Variants in DAB1 observed in about 807,000 individuals in gnomAD.
DAB1 encodes disabled homolog 1.
DAB1 carries 15 observed loss-of-function variants against 64.6 expected under a neutral mutation model. That is an observed-to-expected ratio of 0.23 (90% CI 0.16 to 0.36). The LOEUF (loss-of-function observed/expected upper bound fraction) is 0.36, where lower values mean the gene tolerates loss of function less well. Among genes scored for constraint, DAB1 ranks in the 10% least tolerant of loss-of-function variants. The probability of loss-of-function intolerance (pLI) is 1.00; values close to 1 mark genes in which losing one functional copy is unlikely to be tolerated. For synonymous variants in DAB1, 235 were observed against 251.9 expected (o/e 0.93, Z 0.64); for missense variants, 596 against 706.7 (o/e 0.84, Z 1.78).
At chr1:57,437,703 C>T (rs1331157793) in intron 7 of DAB1, among the ~76,000 whole-genome samples, 2 of 152,134 alleles carry the variant, frequency 1.3e-5, no homozygotes, top group Non-Finnish European at 2.9e-5. Context: ...CACAAGTGCA[C>T]TGTAAAAATA....
chr1:58,317,568 C>G (rs1048557668), intron 4 of DAB1, among the ~76,000 whole-genome samples: 1 of 152,222 alleles, frequency 6.6e-6, no homozygotes, highest in Non-Finnish European at 1.5e-5. Context: ...TTGGTGCCCC[C>G]CTGGCTTGAC....
rs959053115 is a variant in DAB1 at position 57,151,320 on chromosome 1, C to T, written c.68-5891G>A. Among the ~76,000 whole-genome samples the T allele has an allele frequency of 1.8e-4, 27 of 152,188 alleles. 1 individual carries two copies. The highest frequency in any genetic ancestry group is 1.1e-3 in the Admixed American group (17 of 15,294). The stretch of plus-strand genomic sequence containing the variant: ...ATATTTATTGAGTGTCTACTATATA[C>T]GTGTTCTAAGGTCCTCCAGATGCTG... On this transcript the variant is annotated intron_variant, in intron 2 of 14. Transcript: ENST00000371236.
chr1:57,115,011 T>C lies in DAB1; in HGVS notation c.306+21532A>G, dbSNP rs149266379. Among the ~76,000 whole-genome samples, 1,083 of 152,264 alleles carry C rather than the reference T, an allele frequency of 7.1e-3. 10 individuals are homozygous for C. The highest frequency in any genetic ancestry group is 0.012 in the Non-Finnish European group (840 of 68,014). On this transcript the variant is annotated intron_variant, in intron 4 of 14. Transcript: ENST00000371236. ...TTAAATTGAATAAATGCATGTAAAG[T>C]GTGCAGTGCATGGCCAACACCATCC... is the stretch of plus-strand genomic sequence containing the variant.
At chr1:58,039,396 T>C (rs1451794324) in intron 5 of DAB1, among the ~76,000 whole-genome samples, 1 of 152,232 alleles carries the variant, frequency 6.6e-6, no homozygotes, top group African/African-American at 2.4e-5. Flanking sequence ...ATCAGGGTCC[T>C]GCCTTCCCTC....
chr1:58,480,997 TTAATGG>T (rs776579533), intron 3 of DAB1: 2 of 871,272 alleles, frequency 2.3e-6, no homozygotes, highest in Non-Finnish European at 4.0e-6. Context: ...ACTATGTATG[TTAATGG>T]TATTTGCTCC....
intron 5 of DAB1, among the ~76,000 whole-genome samples, chr1:57,992,505 C>T (rs1364477742): frequency 6.6e-6 from 1 of 152,048 alleles, no homozygotes; most frequent in African/African-American, 2.4e-5. Flanking sequence ...AATTTTGCTC[C>T]CTGCACTTTC....
At chr1:57,949,625 T>A (rs1645241503) in intron 5 of DAB1, among the ~76,000 whole-genome samples, 1 of 152,202 alleles carries the variant, frequency 6.6e-6, no homozygotes, top group Admixed American at 6.6e-5. Context: ...TTCTTGTTTT[T>A]ATACTTTATG....
chr1:58,385,004 T>C (rs993772929), intron 3 of DAB1, among the ~76,000 whole-genome samples: 2 of 152,162 alleles, frequency 1.3e-5, no homozygotes, highest in Admixed American at 6.5e-5. Flanking sequence ...AGGAACAATA[T>C]TTTGCATCCT....
intron 4 of DAB1, among the ~76,000 whole-genome samples, chr1:58,208,779 G>C (rs1466296796): frequency 6.6e-6 from 1 of 152,164 alleles, no homozygotes; most frequent in Non-Finnish European, 1.5e-5. Flanking sequence ...CTCATATAAT[G>C]ACTTCTTTTC....
rs1002228258 is a variant in DAB1 at position 56,995,417 on chromosome 1, G to A, written c.*2727C>T. 1 of 152,176 alleles carries A rather than the reference G, an allele frequency of 6.6e-6. No individual in the cohort carries two copies. The highest frequency in any genetic ancestry group is 2.4e-5 in the African/African-American group (1 of 41,454). The allele number at this position is 152,176 out of a possible 1,614,324, so 9.4% of individuals were successfully genotyped here. A position where few individuals can be genotyped will look rare whatever the true frequency, so the allele number is the denominator to read the frequency against. ...GTGCTTGGAAAAAAATCAGAATTCT[G>A]CCAATGAGAATATGGATGGCAGTTG... On this transcript the variant is annotated 3_prime_UTR_variant, in exon 15 of 15. Coordinates refer to ENST00000371236, the MANE Select transcript of DAB1 (RefSeq NM_001365792.1).
intron 7 of DAB1, among the ~76,000 whole-genome samples, chr1:57,533,538 GGTATATATATATATATATATATATATAT>G (rs1258578483): frequency 4.8e-5 from 3 of 63,118 alleles, no homozygotes; most frequent in Non-Finnish European, 9.0e-5. Flanking sequence ...ATTCATAACA[GGTATATATATATATATATATATATATAT>G]GTATATATGT....
chr1:57,539,383 T>A (rs902025377), intron 7 of DAB1, among the ~76,000 whole-genome samples: 13 of 152,254 alleles, frequency 8.5e-5, no homozygotes, highest in African/African-American at 3.1e-4. Flanking sequence ...ATAAACTTGC[T>A]GATTCAAGCA....
intron 7 of DAB1, among the ~76,000 whole-genome samples, chr1:57,513,248 C>T (rs182427801): frequency 6.6e-6 from 1 of 152,182 alleles, no homozygotes; most frequent in East Asian, 1.9e-4. Context: ...CTGCCCTAGA[C>T]CTTCACACTT....
chr1:58,416,794 C>A (rs1644725532), intron 3 of DAB1, among the ~76,000 whole-genome samples: 1 of 152,032 alleles, frequency 6.6e-6, no homozygotes. Flanking sequence ...GCTTATAAGG[C>A]CACTAATCCT....
chr1:58,323,266 T>A lies in DAB1; in HGVS notation n.309+20086A>T, dbSNP rs189312437. Among the ~76,000 whole-genome samples the A allele has an allele frequency of 2.8e-3, 375 of 132,878 alleles. 1 individual carries two copies. The highest frequency in any genetic ancestry group is 9.6e-3 in the African/African-American group (343 of 35,612). The allele number at this position is 132,878 out of a possible 152,430, so 87.2% of individuals were successfully genotyped here. On this transcript the variant is annotated intron_variant and non_coding_transcript_variant, in intron 4 of 20. Coordinates refer to the DAB1 transcript ENST00000485760. Reference sequence around the variant, plus strand: ...ATAATAATAATAATAATAATAATAATAAAATATTCATCACTCTCCTTGCTC... The same window carrying A: ...ATAATAATAATAATAATAATAATAAAAAAATATTCATCACTCTCCTTGCTC...
intron 3 of DAB1, among the ~76,000 whole-genome samples, chr1:58,409,580 T>C (rs1644647725): frequency 6.6e-6 from 1 of 152,246 alleles, no homozygotes; most frequent in African/African-American, 2.4e-5. Context: ...TAGTGATTTC[T>C]GCGAATAGGG....
At chr1:57,423,691 C>A (rs1685109014) in intron 1 of DAB1, among the ~76,000 whole-genome samples, 1 of 151,952 alleles carries the variant, frequency 6.6e-6, no homozygotes, top group Non-Finnish European at 1.5e-5. Flanking sequence ...GGATGGGGGG[C>A]AGGACAGAGA....
At chr1:57,452,063 A>T (rs1686391890) in intron 7 of DAB1, among the ~76,000 whole-genome samples, 1 of 151,488 alleles carries the variant, frequency 6.6e-6, no homozygotes, top group Non-Finnish European at 1.5e-5. Flanking sequence ...CCCAAGAGAG[A>T]CTGACCAGCT....
At chr1:58,265,032 G>C (rs1165236812) in intron 4 of DAB1, among the ~76,000 whole-genome samples, 1 of 152,202 alleles carries the variant, frequency 6.6e-6, no homozygotes, top group African/African-American at 2.4e-5. Flanking sequence ...TATCACAATG[G>C]AGGCAAGAAG....
Sources: allele counts gnomAD v4.1 joint callset (sites outside exome capture counted in the v4.1 genomes callset), GRCh38; gene constraint gnomAD v4.1.1; transcripts MANE v1.5; gene names NCBI Gene and HGNC (gene_info 2026-07-23, HGNC 2026-07-21).